The following ABHD17C variants were observed in gnomAD, a reference collection of about 807,000 sequenced individuals.
ABHD17C encodes the protein abhydrolase domain containing 17C, depalmitoylase.
In ABHD17C, 11 loss-of-function variants were observed where a neutral mutation model predicts 27.9. That is an observed-to-expected ratio of 0.39 (90% CI 0.25 to 0.65). ABHD17C has a LOEUF of 0.65. ABHD17C is among the 30% of genes least tolerant of loss of function. The probability of loss-of-function intolerance (pLI) is 0.45; values close to 1 mark genes in which losing one functional copy is unlikely to be tolerated. For synonymous variants in ABHD17C, 233 were observed against 209.1 expected (o/e 1.11, Z -0.98); for missense variants, 280 against 470.2 (o/e 0.60, Z 3.74).
chr15:80,703,432 T>G (rs1894601855), intron 1 of ABHD17C: 1 of 152,250 alleles, frequency 6.6e-6, no homozygotes, highest in Non-Finnish European at 1.5e-5. Context: ...GACCAGTGAA[T>G]TGTGATCCAA....
chr15:80,748,259 A>G (rs2141522844), intron 1 of ABHD17C, among the ~76,000 whole-genome samples: 1 of 152,348 alleles, frequency 6.6e-6, no homozygotes, highest in African/African-American at 2.4e-5. Context: ...GAACGCCGTT[A>G]TCAGAAAGCA....
At chr15:80,729,269 G>A (rs1472324318) in intron 1 of ABHD17C, among the ~76,000 whole-genome samples, 1 of 152,060 alleles carries the variant, frequency 6.6e-6, no homozygotes, top group African/African-American at 2.4e-5. Flanking sequence ...CTCAACTGAG[G>A]TATTTATTAT....
At chr15:80,720,464 A>G (rs1264141726) in intron 1 of ABHD17C, among the ~76,000 whole-genome samples, 1 of 151,804 alleles carries the variant, frequency 6.6e-6, no homozygotes. Flanking sequence ...TGTAGAAGGC[A>G]TTGTCCTGTA....
At chr15:80,736,752 A>T (rs528988742) in intron 1 of ABHD17C, among the ~76,000 whole-genome samples, 1 of 152,340 alleles carries the variant, frequency 6.6e-6, no homozygotes, top group East Asian at 1.9e-4. Flanking sequence ...GATAAATGGG[A>T]GAGCTCCTGA....
At chr15:80,751,646 G>A (rs1256120837) in intron 2 of ABHD17C, among the ~76,000 whole-genome samples, 1 of 152,196 alleles carries the variant, frequency 6.6e-6, no homozygotes, top group Non-Finnish European at 1.5e-5. Context: ...TCCTCAGGAG[G>A]CTGGGGTGGG....
chr15:80,743,481 C>G (rs1210150476), intron 1 of ABHD17C, among the ~76,000 whole-genome samples: 1 of 152,222 alleles, frequency 6.6e-6, no homozygotes, highest in Non-Finnish European at 1.5e-5. Context: ...TGCTGACTAG[C>G]AGGAATCATT....
At chr15:80,708,015 C>T (rs1184097223) in intron 1 of ABHD17C, among the ~76,000 whole-genome samples, 1 of 152,176 alleles carries the variant, frequency 6.6e-6, no homozygotes, top group Non-Finnish European at 1.5e-5. Flanking sequence ...CTGGCTGCGG[C>T]CACGGGACAG....
intron 1 of ABHD17C, among the ~76,000 whole-genome samples, chr15:80,728,488 G>A (rs1337806374): frequency 6.6e-6 from 1 of 152,096 alleles, no homozygotes; most frequent in Non-Finnish European, 1.5e-5. Flanking sequence ...ACCAAAGGAG[G>A]CAGATCCAGG....
intron 1 of ABHD17C, among the ~76,000 whole-genome samples, chr15:80,698,488 A>T (rs907680908): frequency 6.6e-6 from 1 of 152,230 alleles, no homozygotes; most frequent in East Asian, 1.9e-4. Flanking sequence ...ACTGGCGGCA[A>T]ATCAGCAGTA....
At chr15:80,734,928 C>T (rs1895108839) in intron 1 of ABHD17C, among the ~76,000 whole-genome samples, 1 of 152,176 alleles carries the variant, frequency 6.6e-6, no homozygotes, top group African/African-American at 2.4e-5. Flanking sequence ...CACACCAAGC[C>T]CTTTTGTAAG....
intron 1 of ABHD17C, among the ~76,000 whole-genome samples, chr15:80,730,392 C>T (rs1895042246): frequency 6.6e-6 from 1 of 152,186 alleles, no homozygotes; most frequent in Non-Finnish European, 1.5e-5. Context: ...TGGAGATCCT[C>T]TCCACCAGGC....
intron 1 of ABHD17C, among the ~76,000 whole-genome samples, chr15:80,742,158 A>AT (rs911904839): frequency 7.9e-5 from 12 of 152,090 alleles, no homozygotes; most frequent in Admixed American, 2.6e-4. Flanking sequence ...ATAAGAGGAG[A>AT]TTTTTTTTAT....
At chr15:80,708,140 T>G (rs1894673616) in intron 1 of ABHD17C, among the ~76,000 whole-genome samples, 1 of 152,168 alleles carries the variant, frequency 6.6e-6, no homozygotes, top group Non-Finnish European at 1.5e-5. Context: ...TTTCTCTTCT[T>G]CATCTGAATA....
At chr15:80,709,979 G>A (rs1186689445) in intron 1 of ABHD17C, among the ~76,000 whole-genome samples, 3 of 152,170 alleles carry the variant, frequency 2.0e-5, no homozygotes, top group African/African-American at 7.2e-5. Flanking sequence ...TAATCATAAT[G>A]AGTATGTGAA....
chr15:80,711,171 C>T (rs188492034), intron 1 of ABHD17C, among the ~76,000 whole-genome samples: 200 of 152,292 alleles, frequency 1.3e-3, no homozygotes, highest in Middle Eastern at 3.4e-3. Flanking sequence ...ACCCTGTAGG[C>T]GCTCTGCTCA....
Position 80,753,115 on chromosome 15 carries a change from G to A in ABHD17C, c.771-1036G>A, listed in dbSNP as rs566289784. 2.5e-3 allele frequency among the ~76,000 whole-genome samples: 388 copies of A among 152,160 alleles called. 2 individuals carry two copies. The highest frequency in any genetic ancestry group is 9.0e-3 in the African/African-American group (372 of 41,524). On this transcript the variant is annotated intron_variant, in intron 2 of 2. Transcript: ENST00000258884. ...GAAGACTTGAGTGGCAGCAAATTAA[G>A]TGTCCAGCTTTCCAAATAGACATTC...
intron 1 of ABHD17C, among the ~76,000 whole-genome samples, chr15:80,711,957 C>T (rs993330507): frequency 2.0e-5 from 3 of 152,114 alleles, no homozygotes; most frequent in African/African-American, 7.2e-5. Context: ...AGAAAAATGC[C>T]GTGGCCTTTC....
At chr15:80,725,706 T>G (rs922113992) in intron 1 of ABHD17C, among the ~76,000 whole-genome samples, 1 of 152,076 alleles carries the variant, frequency 6.6e-6, no homozygotes, top group Non-Finnish European at 1.5e-5. Flanking sequence ...TTTATAGAGA[T>G]GTAGTCTTGC....
chr15:80,724,795 A>G (rs1894950366), intron 1 of ABHD17C, among the ~76,000 whole-genome samples: 1 of 151,924 alleles, frequency 6.6e-6, no homozygotes, highest in South Asian at 2.1e-4. Flanking sequence ...TCCTCCTATT[A>G]TTCATTCTGT....
Sources: gnomAD v4.1 joint callset for allele counts (sites outside exome capture counted in the v4.1 genomes callset) on GRCh38, gnomAD v4.1.1 for gene constraint, MANE v1.5 for transcripts, NCBI Gene and HGNC (gene_info 2026-07-23, HGNC 2026-07-21) for gene names.